The following DPP6 variants were observed in gnomAD, a reference collection of about 807,000 sequenced individuals.
DPP6 encodes A-type potassium channel modulatory protein DPP6.
DPP6 carries 69 observed loss-of-function variants against 122.6 expected under a neutral mutation model. The ratio of observed to expected loss-of-function variants is 0.56; its 90% CI spans 0.46 to 0.69. The LOEUF (loss-of-function observed/expected upper bound fraction) is 0.69, where lower values mean the gene tolerates loss of function less well. DPP6 is among the 30% of genes least tolerant of loss of function. The pLI is 0.00. For missense variants in DPP6, 928 were observed against 1,116.9 expected (o/e 0.83, Z 2.41); for synonymous variants, 418 against 433.1 (o/e 0.97, Z 0.43).
chr7:154,585,269 C>T (rs866087650), intron 5 of DPP6, among the ~76,000 whole-genome samples: 3 of 152,220 alleles, frequency 2.0e-5, no homozygotes, highest in Admixed American at 6.5e-5. Flanking sequence ...GCTCTAAAAA[C>T]GTTTTTGCTG....
intron 1 of DPP6, among the ~76,000 whole-genome samples, chr7:154,408,312 G>A (rs1816291867): frequency 6.6e-6 from 1 of 152,152 alleles, no homozygotes. Context: ...AACTTAAGAT[G>A]TCAGCTAATG....
chr7:154,262,398 T>C (rs953848816), intron 1 of DPP6, among the ~76,000 whole-genome samples: 1 of 152,022 alleles, frequency 6.6e-6, no homozygotes, highest in Non-Finnish European at 1.5e-5. Context: ...GAAGAGAACA[T>C]TTGGACCCAC....
intron 1 of DPP6, among the ~76,000 whole-genome samples, chr7:154,195,573 A>C (rs2150774120): frequency 6.6e-6 from 1 of 152,292 alleles, no homozygotes; most frequent in Non-Finnish European, 1.5e-5. Context: ...GACTCCAGGA[A>C]GTCTATGGGG....
At chr7:154,564,560 A>G (rs1315212436) in intron 4 of DPP6, among the ~76,000 whole-genome samples, 1 of 152,218 alleles carries the variant, frequency 6.6e-6, no homozygotes, top group Non-Finnish European at 1.5e-5. Flanking sequence ...AAATTTGTAA[A>G]CTGTTCACTT....
intron 1 of DPP6, among the ~76,000 whole-genome samples, chr7:154,220,581 TAAATA>T (rs1255725152): frequency 6.6e-6 from 1 of 152,008 alleles, no homozygotes; most frequent in African/African-American, 2.4e-5. Flanking sequence ...AAAAGTTAAA[TAAATA>T]AAATAAAATG....
chr7:154,751,642 A>T (rs1022057761), intron 8 of DPP6, among the ~76,000 whole-genome samples: 66 of 151,880 alleles, frequency 4.3e-4, no homozygotes, highest in Admixed American at 3.3e-4. Flanking sequence ...ATGAAACTCA[A>T]AGGGTCATGT....
intron 3 of DPP6, among the ~76,000 whole-genome samples, chr7:154,521,110 C>G (rs1292263334): frequency 6.6e-6 from 1 of 152,130 alleles, no homozygotes; most frequent in Non-Finnish European, 1.5e-5. Flanking sequence ...TATATAACAG[C>G]TAATCATAAG....
intron 1 of DPP6, among the ~76,000 whole-genome samples, chr7:154,293,529 G>T (rs1308389454): frequency 6.6e-6 from 1 of 152,218 alleles, no homozygotes; most frequent in Non-Finnish European, 1.5e-5. Flanking sequence ...CATCCTGGCA[G>T]CCTAGGAAAG....
intron 3 of DPP6, among the ~76,000 whole-genome samples, chr7:154,524,475 C>T (rs552571780): frequency 2.6e-5 from 4 of 152,306 alleles, no homozygotes; most frequent in South Asian, 2.1e-4. Context: ...GGGAACTCCA[C>T]GTATCTCATG....
At chr7:154,218,301 C>T (rs1406570759) in intron 1 of DPP6, among the ~76,000 whole-genome samples, 1 of 152,200 alleles carries the variant, frequency 6.6e-6, no homozygotes, top group Non-Finnish European at 1.5e-5. Flanking sequence ...CAAGTCCTGT[C>T]ACCCTGAACT....
intron 6 of DPP6, among the ~76,000 whole-genome samples, chr7:154,648,366 A>G (rs560860238): frequency 6.6e-6 from 1 of 151,860 alleles, no homozygotes; most frequent in African/African-American, 2.4e-5. Context: ...CTTGCTGTCT[A>G]GTTTATTTTG....
intron 1 of DPP6, among the ~76,000 whole-genome samples, chr7:154,352,935 G>A (rs1415107996): frequency 6.6e-6 from 1 of 152,248 alleles, no homozygotes; most frequent in Non-Finnish European, 1.5e-5. Flanking sequence ...AAAAGCTAGA[G>A]TCCTGACCAA....
intron 1 of DPP6, among the ~76,000 whole-genome samples, chr7:153,932,373 T>C (rs1388672618): frequency 6.6e-6 from 1 of 152,140 alleles, no homozygotes; most frequent in Non-Finnish European, 1.5e-5. Context: ...TACCCACTCC[T>C]CGGCCTCCCA....
chr7:154,815,092 A>G (rs1242196092), intron 16 of DPP6, among the ~76,000 whole-genome samples: 1 of 152,232 alleles, frequency 6.6e-6, no homozygotes. Context: ...TATATAAGAA[A>G]GAAAGAGTGC....
chr7:154,511,173 A>G (rs1826065636), intron 3 of DPP6, among the ~76,000 whole-genome samples: 1 of 152,198 alleles, frequency 6.6e-6, no homozygotes. Context: ...AGGGAGATTC[A>G]CCTCAATCTA....
At chr7:153,843,619 A>C in the DPP6 span, among the ~76,000 whole-genome samples, 1 of 152,186 alleles carries the variant, frequency 6.6e-6, no homozygotes, top group South Asian at 2.1e-4. Context: ...ATTTAGGGTC[A>C]TTTGATTATG....
At chr7:154,685,651 G>A (rs1445396286) in intron 7 of DPP6, among the ~76,000 whole-genome samples, 1 of 152,160 alleles carries the variant, frequency 6.6e-6, no homozygotes, top group African/African-American at 2.4e-5. Flanking sequence ...CATCACAAGG[G>A]AGGTGCTGAA....
At chr7:154,712,910 G>A (rs1841274590) in intron 7 of DPP6, among the ~76,000 whole-genome samples, 1 of 152,098 alleles carries the variant, frequency 6.6e-6, no homozygotes, top group Admixed American at 6.5e-5. Context: ...TCTTCTTCCA[G>A]CATTAACTCA....
intron 1 of DPP6, among the ~76,000 whole-genome samples, chr7:154,060,954 A>T (rs1189499724): frequency 6.9e-6 from 1 of 145,932 alleles, no homozygotes; most frequent in African/African-American, 2.5e-5. Flanking sequence ...CCCATCGTTG[A>T]TGTTAAGATC....
Sources: allele counts gnomAD v4.1 joint callset (sites outside exome capture counted in the v4.1 genomes callset), GRCh38; gene constraint gnomAD v4.1.1; transcripts MANE v1.5; gene names NCBI Gene and HGNC (gene_info 2026-07-23, HGNC 2026-07-21).